Variants in TBC1D4 observed in about 807,000 individuals in gnomAD.
The protein encoded by TBC1D4 is TBC (Tre-2, BUB2, CDC16) domain-containing protein.
TBC1D4 carries 121 observed loss-of-function variants against 142.5 expected under a neutral mutation model. That is an observed-to-expected ratio of 0.85 (90% CI 0.73 to 0.99). The LOEUF (loss-of-function observed/expected upper bound fraction) is 0.99. Among genes scored for constraint, TBC1D4 ranks in the 50% least tolerant of loss-of-function variants. TBC1D4 has a pLI of 0.00. For synonymous variants in TBC1D4, 630 were observed against 628.2 expected (o/e 1.00, Z -0.04); for missense variants, 1,475 against 1,606.6 (o/e 0.92, Z 1.40).
chr13:75,472,090 G>C (rs1399667781), intron 1 of TBC1D4, among the ~76,000 whole-genome samples: 1 of 127,050 alleles, frequency 7.9e-6, no homozygotes, highest in South Asian at 2.6e-4. Context: ...CTGGGCAACA[G>C]AGCCAGACTC....
intron 8 of TBC1D4, among the ~76,000 whole-genome samples, chr13:75,331,712 A>G (rs558696241): frequency 6.6e-6 from 1 of 152,168 alleles, no homozygotes; most frequent in East Asian, 1.9e-4. Context: ...GTTTCTTTGC[A>G]TTTAAAAAAT....
chr13:75,456,631 G>T (rs1887747338), intron 1 of TBC1D4, among the ~76,000 whole-genome samples: 3 of 151,544 alleles, frequency 2.0e-5, no homozygotes, highest in African/African-American at 7.3e-5. Context: ...TGGCTAAAAT[G>T]AAAGAACTTA....
intron 18 of TBC1D4, among the ~76,000 whole-genome samples, chr13:75,294,126 C>T (rs1490497122): frequency 6.6e-6 from 1 of 152,138 alleles, no homozygotes; most frequent in Non-Finnish European, 1.5e-5. Flanking sequence ...TTAATTTTTG[C>T]TTTTTAAATA....
intron 1 of TBC1D4, among the ~76,000 whole-genome samples, chr13:75,467,343 G>A (rs1253521031): frequency 6.6e-6 from 1 of 152,162 alleles, no homozygotes; most frequent in Non-Finnish European, 1.5e-5. Flanking sequence ...ATGTTTTTGG[G>A]TCAAGATTAT....
chr13:75,310,171 G>T lies in TBC1D4; in HGVS notation c.2384-20C>A. The T allele has an allele frequency of 6.2e-7, 1 of 1,609,212 alleles. No homozygotes were observed. The highest frequency in any genetic ancestry group is 1.1e-5 in the South Asian group (1 of 90,632). On this transcript the variant is annotated intron_variant, in intron 13 of 20. Transcript: ENST00000377636. ...ATCCATCTGCAGAGAAGAACACAGT[G>T]AGAGGCATTCCTTAGCAGTAACCCA...
chr13:75,358,779 G>A (rs1047731580), intron 3 of TBC1D4, among the ~76,000 whole-genome samples: 1 of 152,100 alleles, frequency 6.6e-6, no homozygotes, highest in Non-Finnish European at 1.5e-5. Flanking sequence ...TGGGAGGATT[G>A]CTTGAGCCGG....
At chr13:75,375,774 C>A (rs1566440413) in intron 1 of TBC1D4, 1 of 75,002 alleles carries the variant, frequency 1.3e-5, no homozygotes, top group East Asian at 2.4e-4. Context: ...CCACCCCCCC[C>A]ACACACACAC....
chr13:75,327,073 C>G (rs998004306), intron 9 of TBC1D4, among the ~76,000 whole-genome samples: 13 of 152,096 alleles, frequency 8.5e-5, no homozygotes, highest in African/African-American at 2.9e-4. Flanking sequence ...TGGAATGCAT[C>G]TCATATTGCA....
chr13:75,386,102 G>T (rs1177099771), intron 1 of TBC1D4, among the ~76,000 whole-genome samples: 1 of 152,184 alleles, frequency 6.6e-6, no homozygotes, highest in East Asian at 1.9e-4. Flanking sequence ...AAGGATGAGT[G>T]AAGTTAACAC....
chr13:75,440,093 A>G (rs987825906), intron 1 of TBC1D4, among the ~76,000 whole-genome samples: 1 of 152,208 alleles, frequency 6.6e-6, no homozygotes, highest in Non-Finnish European at 1.5e-5. Flanking sequence ...GTAATTAAAA[A>G]GACGAATAAT....
At chr13:75,365,012 C>T (rs1479729635) in intron 1 of TBC1D4, among the ~76,000 whole-genome samples, 2 of 152,160 alleles carry the variant, frequency 1.3e-5, no homozygotes, top group East Asian at 3.8e-4. Flanking sequence ...AATTTCTCTA[C>T]CGCCATATCA....
At chr13:75,376,514 A>C (rs1883519356) in intron 1 of TBC1D4, among the ~76,000 whole-genome samples, 1 of 152,116 alleles carries the variant, frequency 6.6e-6, no homozygotes, top group Non-Finnish European at 1.5e-5. Flanking sequence ...AGTAGCTGGA[A>C]TTACAGGCAT....
chr13:75,358,855 C>T (rs1204930355), intron 3 of TBC1D4, among the ~76,000 whole-genome samples: 3 of 151,908 alleles, frequency 2.0e-5, no homozygotes, highest in Admixed American at 2.0e-4. Flanking sequence ...CAGAGGAAGA[C>T]CCTGTCTCCA....
intron 1 of TBC1D4, among the ~76,000 whole-genome samples, chr13:75,401,961 A>ACTTT (rs1885114265): frequency 6.6e-6 from 1 of 152,226 alleles, no homozygotes; most frequent in Non-Finnish European, 1.5e-5. Flanking sequence ...ACTTTTGCTG[A>ACTTT]AGTGAACACT....
chr13:75,452,000 T>C (rs1203251155), intron 1 of TBC1D4, among the ~76,000 whole-genome samples: 1 of 152,122 alleles, frequency 6.6e-6, no homozygotes. Flanking sequence ...GTACAAGATG[T>C]AATTTTAAGT....
In TBC1D4 at chr13:75,481,816, C is replaced by T. The variant is rs1185007804; in HGVS notation, c.-49G>A. On this transcript the variant is annotated 5_prime_UTR_variant, in exon 1 of 21. Transcript: ENST00000377636. ...GCGGAGGCCGGCCGGGCGCACCGCG[C>T]CCCCCACTCCCGCGCAGAAGGCGCC... 1.4e-6 allele frequency: 2 copies of T among 1,438,734 alleles called. No individual in the cohort carries two copies. The highest frequency in any genetic ancestry group is 2.7e-5 in the East Asian group (1 of 36,822). 89.1% of individuals were successfully genotyped at this position (1,438,734 alleles called of 1,614,324 possible).
intron 1 of TBC1D4, among the ~76,000 whole-genome samples, chr13:75,471,274 A>T (rs1285979039): frequency 6.6e-6 from 1 of 152,196 alleles, no homozygotes; most frequent in Non-Finnish European, 1.5e-5. Context: ...GTTATAACTA[A>T]TGTACTTTAT....
intron 1 of TBC1D4, among the ~76,000 whole-genome samples, chr13:75,446,331 A>G (rs190425726): frequency 6.6e-6 from 1 of 152,312 alleles, no homozygotes; most frequent in Non-Finnish European, 1.5e-5. Flanking sequence ...CATCACCTCT[A>G]TCTAGTTCCA....
chr13:75,302,238 C>A lies in TBC1D4; in HGVS notation c.2911+5G>T. 3 of 1,614,110 alleles carry A rather than the reference C, an allele frequency of 1.9e-6. No homozygotes were observed. The highest frequency in any genetic ancestry group is 2.5e-6 in the Non-Finnish European group (3 of 1,179,998). On this transcript the variant is annotated splice_donor_5th_base_variant and intron_variant, in intron 16 of 20. Transcript: ENST00000377636. ...TGTAAATTATAATCCACATGACAAA[C>A]ATACCTAAATCCACGAGAATCGCAT... is the stretch of plus-strand genomic sequence containing the variant.
Sources: allele counts gnomAD v4.1 joint callset (sites outside exome capture counted in the v4.1 genomes callset), GRCh38; gene constraint gnomAD v4.1.1; transcripts MANE v1.5; gene names NCBI Gene and HGNC (gene_info 2026-07-23, HGNC 2026-07-21).